MYO5B: variants seen among roughly 807,000 people sequenced by gnomAD.
The protein encoded by MYO5B is unconventional myosin-Vb.
A neutral mutation model predicts 229.3 loss-of-function variants in MYO5B; 143 were observed. That is an observed-to-expected ratio of 0.62 (90% confidence interval 0.54 to 0.72). The LOEUF is 0.72. MYO5B is among the 30% of genes least tolerant of loss of function. The pLI is 0.00. For missense variants in MYO5B, 2,321 were observed against 2,331.0 expected (o/e 1.00, Z 0.09); for synonymous variants, 918 against 885.2 (o/e 1.04, Z -0.66).
chr18:49,841,060 A>G (rs2024050116), intron 35 of MYO5B, among the ~76,000 whole-genome samples: 3 of 152,216 alleles, frequency 2.0e-5, no homozygotes, highest in African/African-American at 4.8e-5. Context: ...CAGAAATGTC[A>G]GGTTACAAGA....
At chr18:50,038,074 A>T (rs1191921693) in intron 3 of MYO5B, among the ~76,000 whole-genome samples, 8 of 152,256 alleles carry the variant, frequency 5.3e-5, no homozygotes, top group Admixed American at 2.6e-4. Context: ...TATAAAGTTC[A>T]GATAATCTTT....
At chr18:50,062,616 A>C (rs2030716146) in intron 1 of MYO5B, among the ~76,000 whole-genome samples, 1 of 152,140 alleles carries the variant, frequency 6.6e-6, no homozygotes, top group African/African-American at 2.4e-5. Context: ...ATAAAGATTA[A>C]TTAAGCCCTG....
At chr18:50,096,500 A>G (rs2031553741) in intron 1 of MYO5B, among the ~76,000 whole-genome samples, 1 of 151,882 alleles carries the variant, frequency 6.6e-6, no homozygotes, top group Admixed American at 6.6e-5. Flanking sequence ...AGGTCTGGCT[A>G]TGTCACTCCG....
chr18:49,886,923 A>G (rs1164569529), intron 22 of MYO5B, among the ~76,000 whole-genome samples: 2 of 152,194 alleles, frequency 1.3e-5, no homozygotes, highest in Non-Finnish European at 2.9e-5. Flanking sequence ...CAAATGAGAT[A>G]GACTGACTCA....
intron 4 of MYO5B, among the ~76,000 whole-genome samples, chr18:50,018,346 T>C (rs2026238994): frequency 6.6e-6 from 1 of 151,932 alleles, no homozygotes; most frequent in African/African-American, 2.4e-5. Flanking sequence ...ACTTTGCATT[T>C]GCATGTATAT....
intron 2 of MYO5B, among the ~76,000 whole-genome samples, chr18:50,040,740 G>A (rs2029988906): frequency 6.6e-6 from 1 of 152,082 alleles, no homozygotes; most frequent in South Asian, 2.1e-4. Context: ...CTGATGAACT[G>A]CCCTCTATAA....
intron 14 of MYO5B, among the ~76,000 whole-genome samples, chr18:49,939,003 T>C (rs1474508552): frequency 6.6e-6 from 1 of 152,004 alleles, no homozygotes; most frequent in Non-Finnish European, 1.5e-5. Flanking sequence ...CTTCCCTTCC[T>C]CCTGAGAACA....
intron 14 of MYO5B, among the ~76,000 whole-genome samples, chr18:49,946,760 C>A (rs3107097): frequency 1 from 152,336 of 152,336 alleles, 76,168 homozygotes; most frequent in Non-Finnish European, 1. Flanking sequence ...TTGAGACTGC[C>A]TTTGGCAGTG....
intron 1 of MYO5B, among the ~76,000 whole-genome samples, chr18:50,172,545 T>C (rs968313312): frequency 2.0e-5 from 3 of 152,220 alleles, no homozygotes; most frequent in Non-Finnish European, 4.4e-5. Context: ...CCCTCAATGA[T>C]ACTGAAAGAT....
intron 4 of MYO5B, among the ~76,000 whole-genome samples, chr18:50,009,432 A>T (rs1470243639): frequency 6.6e-6 from 1 of 152,222 alleles, no homozygotes; most frequent in African/African-American, 2.4e-5. Context: ...AATTCAAACA[A>T]GCGAAATGAA....
intron 16 of MYO5B, among the ~76,000 whole-genome samples, chr18:49,932,362 G>C (rs573453287): frequency 6.6e-6 from 1 of 152,296 alleles, no homozygotes; most frequent in Admixed American, 6.5e-5. Context: ...GCCTGGAGCT[G>C]GTCCCCAGAA....
intron 8 of MYO5B, among the ~76,000 whole-genome samples, chr18:49,983,411 C>T (rs138771718): frequency 0.012 from 1,889 of 152,284 alleles, 38 homozygotes; most frequent in African/African-American, 0.042. Flanking sequence ...CCCCCTACAC[C>T]TTGGGGCACC....
At chr18:50,049,428 G>C (rs566606620) in intron 2 of MYO5B, among the ~76,000 whole-genome samples, 7 of 152,178 alleles carry the variant, frequency 4.6e-5, no homozygotes, top group Admixed American at 6.5e-5. Flanking sequence ...TAAAAATATG[G>C]AGTCAAAGTT....
chr18:49,850,309 G>T (rs1215137470), intron 31 of MYO5B: 1 of 156,120 alleles, frequency 6.4e-6, no homozygotes, highest in Non-Finnish European at 1.4e-5. Flanking sequence ...TCCACCACTA[G>T]AGCCGGCTTC....
rs1254723517 is a variant in MYO5B, at chr18:50,122,635, GAGAGAGAGAGAGA to G, written c.28-67270_28-67258del. On this transcript the variant is annotated intron_variant, in intron 1 of 39. Transcript: ENST00000285039. ...GAGAGGGAGGGAGGGAAGGGGGGGGGAGAGAGAGAGAGAGAGAGAGAGAGAGAGAGAGAGAGAG... is the reference window on the plus strand; with the variant it reads ...GAGAGGGAGGGAGGGAAGGGGGGGGGGAGAGAGAGAGAGAGAGAGAGAGAG... Among the ~76,000 whole-genome samples the G allele has an allele frequency of 3.6e-3, 22 of 6,104 alleles. 1 individual carries two copies. Among genetic ancestry groups the G allele is most frequent in the African/African-American group, 6.2e-3 (7 of 1,136 alleles). The allele number at this position is 6,104 out of a possible 152,430, so 4.0% of individuals were successfully genotyped here.
intron 27 of MYO5B, among the ~76,000 whole-genome samples, chr18:49,865,231 G>A (rs1038809403): frequency 6.6e-6 from 1 of 152,206 alleles, no homozygotes; most frequent in Non-Finnish European, 1.5e-5. Flanking sequence ...GAGTGAGGAA[G>A]CTGAGCCCAG....
intron 26 of MYO5B, among the ~76,000 whole-genome samples, chr18:49,872,629 T>C (rs1179671285): frequency 5.9e-5 from 9 of 152,108 alleles, no homozygotes; most frequent in Non-Finnish European, 4.4e-5. Flanking sequence ...CTGGGGTCAT[T>C]TGGGTGGACA....
intron 2 of MYO5B, among the ~76,000 whole-genome samples, chr18:50,043,975 C>G (rs2030146737): frequency 6.6e-6 from 1 of 152,008 alleles, no homozygotes; most frequent in South Asian, 2.1e-4. Flanking sequence ...TCTCAGAAAT[C>G]AGCACTAAAG....
intron 1 of MYO5B, among the ~76,000 whole-genome samples, chr18:50,116,439 C>T (rs2031964051): frequency 6.6e-6 from 1 of 152,172 alleles, no homozygotes; most frequent in Non-Finnish European, 1.5e-5. Flanking sequence ...AGAAGCAGTT[C>T]TGCCAATAAA....
Sources: allele counts gnomAD v4.1 joint callset (sites outside exome capture counted in the v4.1 genomes callset), GRCh38; gene constraint gnomAD v4.1.1; transcripts MANE v1.5; gene names NCBI Gene and HGNC (gene_info 2026-07-23, HGNC 2026-07-21).